Variants in PRKG1 observed in about 807,000 individuals in gnomAD.
PRKG1 encodes cGMP-dependent protein kinase 1.
A neutral mutation model predicts 88.1 loss-of-function variants in PRKG1; 35 were observed. That is an observed-to-expected ratio of 0.40 (90% CI 0.30 to 0.53). PRKG1 has a LOEUF of 0.53. Ranked by LOEUF, PRKG1 falls within the 20% of genes least tolerant of loss-of-function variation. The pLI is 0.59. For missense variants in PRKG1, 540 were observed against 839.8 expected, an observed-to-expected ratio of 0.64 and a Z score of 4.41; for synonymous variants, 303 against 292.5, an observed-to-expected ratio of 1.04 and a Z score of -0.37.
At chr10:52,080,353 C>T (rs1846740313) in intron 7 of PRKG1, among the ~76,000 whole-genome samples, 1 of 151,998 alleles carries the variant, frequency 6.6e-6, no homozygotes, top group African/African-American at 2.4e-5. Context: ...AAGAGCTGGC[C>T]CATGTCCCGT....
intron 3 of PRKG1, among the ~76,000 whole-genome samples, chr10:51,558,473 G>A (rs1170966549): frequency 1.3e-5 from 2 of 151,958 alleles, no homozygotes; most frequent in Non-Finnish European, 2.9e-5. Flanking sequence ...ACTATTCCCA[G>A]GATGGCCCCA....
intron 2 of PRKG1, among the ~76,000 whole-genome samples, chr10:51,353,667 G>A (rs946300936): frequency 2.6e-5 from 4 of 152,164 alleles, no homozygotes; most frequent in Non-Finnish European, 4.4e-5. Flanking sequence ...CGAGGATGTG[G>A]AGAAAAGAGA....
chr10:51,074,942 C>A (rs1441831804), intron 1 of PRKG1, 41 bp downstream of exon 1: 3 of 1,535,506 alleles, frequency 2.0e-6, no homozygotes, highest in Non-Finnish European at 2.6e-6. Flanking sequence ...GGCGCCCTGG[C>A]GATGGGGAGC....
chr10:51,785,759 C>T lies in PRKG1; in HGVS notation c.593-18826C>T, dbSNP rs72799417. 4.0e-3 allele frequency among the ~76,000 whole-genome samples: 607 copies of T among 152,140 alleles called. 1 individual carries two copies. Among genetic ancestry groups the T allele is most frequent in the African/African-American group, 8.7e-3 (362 of 41,542 alleles). On this transcript the variant is annotated intron_variant, in intron 3 of 17. Coordinates refer to ENST00000373980, the MANE Select transcript of PRKG1 (RefSeq NM_006258.4). ...TATTTGAATAAACATGATGGTCTCA[C>T]GCCATGTTTAAATACATAAAACCAA...
intron 7 of PRKG1, among the ~76,000 whole-genome samples, chr10:52,077,340 C>A (rs540763092): frequency 6.6e-6 from 1 of 151,694 alleles, no homozygotes; most frequent in East Asian, 1.9e-4. Flanking sequence ...AAAGTACATG[C>A]TGTATAATTC....
chr10:52,064,299 C>T (rs777109792), intron 7 of PRKG1, among the ~76,000 whole-genome samples: 1 of 152,216 alleles, frequency 6.6e-6, no homozygotes, highest in African/African-American at 2.4e-5. Flanking sequence ...AGCATGTGCA[C>T]ACCTGGCCGG....
rs562901092 is a variant in PRKG1 at position 51,128,157 on chromosome 10, G to A, written c.312-25007G>A. On this transcript the variant is annotated intron_variant, in intron 1 of 17. Transcript: ENST00000373980. ...TTAAGAAAAATTAAAATGCAAAAAG[G>A]CGATTAACATTTTTTCTTTGCTTTA... Among the ~76,000 whole-genome samples the A allele has an allele frequency of 9.2e-5, 14 of 151,932 alleles. No individual in the cohort carries two copies. In the East Asian group the frequency reaches 1.7e-3, roughly 19 times the overall value.
At chr10:51,030,680 C>T (rs1296044276) in intron 1 of PRKG1, among the ~76,000 whole-genome samples, 3 of 152,160 alleles carry the variant, frequency 2.0e-5, no homozygotes, top group Admixed American at 6.6e-5. Flanking sequence ...TGGTGCCATC[C>T]TTGCAGTAAT....
At chr10:51,737,750 A>AT in intron 3 of PRKG1, among the ~76,000 whole-genome samples, 1 of 107,832 alleles carries the variant, frequency 9.3e-6, no homozygotes, top group African/African-American at 3.4e-5. Flanking sequence ...AATTATTATT[A>AT]TTATTATTAT....
At chr10:51,132,167 T>C (rs1235748111) in intron 1 of PRKG1, among the ~76,000 whole-genome samples, 9 of 152,112 alleles carry the variant, frequency 5.9e-5, no homozygotes, top group Non-Finnish European at 1.3e-4. Flanking sequence ...GGTACGTCTT[T>C]CTAATCAAGG....
At chr10:51,216,948 T>C (rs935007441) in intron 2 of PRKG1, among the ~76,000 whole-genome samples, 3 of 152,174 alleles carry the variant, frequency 2.0e-5, no homozygotes, top group African/African-American at 7.2e-5. Context: ...AAAATCATTG[T>C]CATTTTCCAT....
At chr10:51,131,598 A>G (rs1484639833) in intron 1 of PRKG1, among the ~76,000 whole-genome samples, 1 of 152,168 alleles carries the variant, frequency 6.6e-6, no homozygotes, top group Non-Finnish European at 1.5e-5. Context: ...ATACATACAT[A>G]CGTGCATACA....
intron 2 of PRKG1, among the ~76,000 whole-genome samples, chr10:51,204,591 A>G (rs1270743549): frequency 3.3e-5 from 5 of 152,140 alleles, no homozygotes; most frequent in African/African-American, 9.7e-5. Context: ...CTAGACAGTT[A>G]TAATTATTTC....
intron 9 of PRKG1, among the ~76,000 whole-genome samples, chr10:52,214,908 G>A (rs115085839): frequency 0.013 from 1,904 of 151,926 alleles, 42 homozygotes; most frequent in African/African-American, 0.044. Flanking sequence ...GCAGTAGGCC[G>A]GTTTTATAAT....
intron 9 of PRKG1, among the ~76,000 whole-genome samples, chr10:52,223,315 T>G (rs1840298178): frequency 6.7e-6 from 1 of 148,204 alleles, no homozygotes; most frequent in Non-Finnish European, 1.5e-5. Flanking sequence ...ATTCAAGTTT[T>G]GATTATCACG....
At chr10:52,270,639 A>C (rs1171239398) in intron 10 of PRKG1, among the ~76,000 whole-genome samples, 1 of 147,758 alleles carries the variant, frequency 6.8e-6, no homozygotes, top group Admixed American at 6.8e-5. Flanking sequence ...CAAACACCGC[A>C]TGTTCTCACT....
At chr10:51,320,658 T>G (rs183713817) in intron 2 of PRKG1, 8 of 152,360 alleles carry the variant, frequency 5.3e-5, no homozygotes, top group African/African-American at 1.9e-4. Context: ...CAGTAACAAA[T>G]AAGAGGTGGG....
At chr10:51,978,552 A>ATAGATT (rs1843910336) in intron 5 of PRKG1, among the ~76,000 whole-genome samples, 1 of 151,524 alleles carries the variant, frequency 6.6e-6, no homozygotes, top group Non-Finnish European at 1.5e-5. Context: ...TGCTTTGGGC[A>ATAGATT]GTGTGGCCAT....
At chr10:51,179,849 C>G (rs778271026) in intron 2 of PRKG1, among the ~76,000 whole-genome samples, 2 of 152,152 alleles carry the variant, frequency 1.3e-5, no homozygotes, top group Admixed American at 1.3e-4. Flanking sequence ...TTAGCTCCCC[C>G]AAGAAGCTGT....
Sources: allele counts gnomAD v4.1 joint callset (sites outside exome capture counted in the v4.1 genomes callset), GRCh38; gene constraint gnomAD v4.1.1; transcripts MANE v1.5; gene names NCBI Gene and HGNC (gene_info 2026-07-23, HGNC 2026-07-21).